Variants in CCSER1 observed in about 807,000 individuals in gnomAD.
The protein encoded by CCSER1 is serine-rich coiled-coil domain-containing protein 1.
CCSER1 carries 41 observed loss-of-function variants against 82.0 expected under a neutral mutation model. The observed-to-expected ratio is 0.50, with a 90% CI of 0.39 to 0.65. CCSER1 has a LOEUF of 0.65. Ranked by LOEUF, CCSER1 falls within the 30% of genes least tolerant of loss-of-function variation. The pLI is 0.00. For synonymous variants in CCSER1, 414 were observed against 383.9 expected (o/e 1.08, Z -0.92); for missense variants, 1,119 against 1,064.2 (o/e 1.05, Z -0.72).
At chr4:90,411,863 C>G (rs1193646312) in intron 4 of CCSER1, among the ~76,000 whole-genome samples, 1 of 152,058 alleles carries the variant, frequency 6.6e-6, no homozygotes, top group Non-Finnish European at 1.5e-5. Flanking sequence ...GATTGTACAT[C>G]TAGAAAACCC....
chr4:90,993,237 A>G (rs1737193821), intron 9 of CCSER1, among the ~76,000 whole-genome samples: 1 of 152,054 alleles, frequency 6.6e-6, no homozygotes, highest in South Asian at 2.1e-4. Context: ...CTTTCTCTTC[A>G]GATTGCTCCT....
intron 10 of CCSER1, among the ~76,000 whole-genome samples, chr4:91,323,447 C>G (rs775417203): frequency 6.6e-6 from 1 of 151,994 alleles, no homozygotes; most frequent in South Asian, 2.1e-4. Flanking sequence ...CACTGAAGTA[C>G]GAAGAAACAT....
At chr4:90,673,488 A>G (rs1478066478) in intron 6 of CCSER1, among the ~76,000 whole-genome samples, 4 of 151,974 alleles carry the variant, frequency 2.6e-5, no homozygotes, top group Non-Finnish European at 5.9e-5. Flanking sequence ...AATAAGTAAA[A>G]CATAATGTGG....
intron 10 of CCSER1, among the ~76,000 whole-genome samples, chr4:91,593,096 T>G (rs1764344708): frequency 6.6e-6 from 1 of 152,184 alleles, no homozygotes; most frequent in Admixed American, 6.6e-5. Context: ...CTTAACAAAT[T>G]TTGGCTTTGC....
chr4:90,867,434 C>T (rs908445519), intron 8 of CCSER1, among the ~76,000 whole-genome samples: 14 of 151,992 alleles, frequency 9.2e-5, no homozygotes, highest in South Asian at 2.1e-4. Flanking sequence ...TATATGTTTA[C>T]AGGATATGTA....
intron 1 of CCSER1, among the ~76,000 whole-genome samples, chr4:90,238,404 A>G (rs144000584): frequency 6.6e-6 from 1 of 152,170 alleles, no homozygotes; most frequent in Non-Finnish European, 1.5e-5. Context: ...GGTATTAGAG[A>G]GCTCAGTCTG....
At position 91,238,562 on chromosome 4, in the gene CCSER1, C is replaced by T. The variant is rs182518558; in HGVS notation, c.2217+152568C>T. Among the ~76,000 whole-genome samples, 208 of 152,292 alleles carry T rather than the reference C, an allele frequency of 1.4e-3. 2 individuals carry two copies. Among genetic ancestry groups the T allele is most frequent in the Admixed American group, 0.011 (164 of 15,298 alleles). ...GTAGTTTGTTCACAGAAATAAAAATCTAACACAAGGAGTCCACTGCCTTCT... is the reference window on the plus strand; with the variant it reads ...GTAGTTTGTTCACAGAAATAAAAATTTAACACAAGGAGTCCACTGCCTTCT... On this transcript the variant is annotated intron_variant, in intron 10 of 10. Transcript: ENST00000509176.
chr4:90,631,882 T>C (rs894228656), intron 6 of CCSER1, among the ~76,000 whole-genome samples: 2 of 152,350 alleles, frequency 1.3e-5, no homozygotes, highest in East Asian at 3.9e-4. Context: ...TTGGGCTATG[T>C]CTATAAAGTA....
chr4:90,891,176 AAAAT>A (rs761314318), intron 8 of CCSER1, among the ~76,000 whole-genome samples: 23 of 151,920 alleles, frequency 1.5e-4, no homozygotes, highest in Non-Finnish European at 2.9e-4. Context: ...TAATCAAACT[AAAAT>A]AAATAAAAAA....
rs571946356 is a variant in CCSER1, at chr4:90,238,172, T to G, written c.-41-70072T>G. On this transcript the variant is annotated intron_variant, in intron 1 of 10. Transcript: ENST00000509176. ...TTACTGTAGCTCAAAAAGTCAAACC[T>G]TTTTTTTGAAGCCCTTGTACCTTAT... Among the ~76,000 whole-genome samples the G allele has an allele frequency of 7.9e-5, 12 of 152,014 alleles. No individual in the cohort carries two copies. In the South Asian group the frequency reaches 2.1e-3, roughly 26 times the overall value.
At position 91,589,500 on chromosome 4, in the gene CCSER1, A is replaced by G. The variant is rs569732405; in HGVS notation, c.2218-9072A>G. On this transcript the variant is annotated intron_variant, in intron 10 of 10. Coordinates refer to ENST00000509176, the MANE Select transcript of CCSER1 (RefSeq NM_001145065.2). ...GATTTTTTTAAGATTATTAAATACT[A>G]TTCTCATTCAAGAAGCATTTTATTA... Among the ~76,000 whole-genome samples, 5 of 151,692 alleles carry G rather than the reference A, an allele frequency of 3.3e-5. No homozygotes were observed. In the East Asian group the frequency reaches 7.8e-4, roughly 24 times the overall value.
chr4:90,461,920 G>A (rs1560554824), intron 4 of CCSER1, among the ~76,000 whole-genome samples: 2 of 152,196 alleles, frequency 1.3e-5, no homozygotes, highest in African/African-American at 2.4e-5. Context: ...CACAAGTTCA[G>A]CACCTACTAC....
intron 6 of CCSER1, among the ~76,000 whole-genome samples, chr4:90,654,409 C>T (rs1334379476): frequency 6.6e-6 from 1 of 151,988 alleles, no homozygotes; most frequent in Non-Finnish European, 1.5e-5. Flanking sequence ...CTTTATATTT[C>T]ATTTTACATA....
At chr4:90,599,365 C>G (rs1160720196) in intron 5 of CCSER1, among the ~76,000 whole-genome samples, 1 of 151,998 alleles carries the variant, frequency 6.6e-6, no homozygotes, top group Non-Finnish European at 1.5e-5. Context: ...CATTATTTTT[C>G]TCTCTCCTCT....
At chr4:91,079,251 G>T (rs1722401126) in intron 9 of CCSER1, among the ~76,000 whole-genome samples, 1 of 151,772 alleles carries the variant, frequency 6.6e-6, no homozygotes, top group Non-Finnish European at 1.5e-5. Context: ...CACACCAGAA[G>T]AGAGTGGGGG....
chr4:90,208,629 T>C (rs548479187), intron 1 of CCSER1, among the ~76,000 whole-genome samples: 37 of 152,026 alleles, frequency 2.4e-4, no homozygotes, highest in Non-Finnish European at 5.0e-4. Context: ...AGGTCCCTGG[T>C]GATGTAGGCA....
At chr4:91,311,526 G>A (rs1268671704) in intron 10 of CCSER1, among the ~76,000 whole-genome samples, 1 of 151,852 alleles carries the variant, frequency 6.6e-6, no homozygotes, top group East Asian at 1.9e-4. Context: ...CATTGAACAT[G>A]CCTATTATCT....
chr4:90,750,130 G>T (rs1035688228), intron 7 of CCSER1, among the ~76,000 whole-genome samples: 6 of 151,824 alleles, frequency 4.0e-5, no homozygotes, highest in East Asian at 3.9e-4. Flanking sequence ...CCCACTTTTT[G>T]ATGGGGTTGT....
chr4:91,156,321 C>G (rs115075538), intron 10 of CCSER1, among the ~76,000 whole-genome samples: 1 of 151,596 alleles, frequency 6.6e-6, no homozygotes, highest in African/African-American at 2.4e-5. Flanking sequence ...TATTTCTACT[C>G]CACAAAATCA....
Sources: allele counts gnomAD v4.1 joint callset (sites outside exome capture counted in the v4.1 genomes callset), GRCh38; gene constraint gnomAD v4.1.1; transcripts MANE v1.5; gene names NCBI Gene and HGNC (gene_info 2026-07-23, HGNC 2026-07-21).